The following ELMO1 variants were observed in gnomAD, a reference collection of about 807,000 sequenced individuals.
The protein encoded by ELMO1 is engulfment and cell motility protein 1.
ELMO1 carries 26 observed loss-of-function variants against 98.9 expected under a neutral mutation model. The observed-to-expected ratio is 0.26, with a 90% CI of 0.19 to 0.36. ELMO1 has a LOEUF of 0.36. Among genes scored for constraint, ELMO1 ranks in the 10% least tolerant of loss-of-function variants. The probability of loss-of-function intolerance (pLI) is 1.00; values close to 1 mark genes in which losing one functional copy is unlikely to be tolerated. For synonymous variants in ELMO1, 346 were observed against 346.0 expected (o/e 1.00, Z 0.00); for missense variants, 627 against 935.2 (o/e 0.67, Z 4.30).
intron 6 of ELMO1, among the ~76,000 whole-genome samples, chr7:37,255,990 C>T (rs143353108): frequency 1.3e-5 from 2 of 152,300 alleles, no homozygotes; most frequent in East Asian, 1.9e-4. Context: ...TCCTCCTCCT[C>T]TGCTCCCCAG....
intron 1 of ELMO1, among the ~76,000 whole-genome samples, chr7:37,389,847 T>G (rs1008069380): frequency 2.0e-5 from 3 of 152,068 alleles, no homozygotes; most frequent in Non-Finnish European, 2.9e-5. Flanking sequence ...TTCTCCAGCA[T>G]GTGCAACCCT....
intron 16 of ELMO1, among the ~76,000 whole-genome samples, chr7:36,922,347 CAAAA>C (rs750588423): frequency 5.8e-5 from 5 of 85,556 alleles, no homozygotes; most frequent in African/African-American, 1.2e-4. Context: ...CACAGACTTG[CAAAA>C]AAAAAAAAAA....
chr7:37,028,393 A>C (rs1377254279), intron 15 of ELMO1, among the ~76,000 whole-genome samples: 1 of 152,162 alleles, frequency 6.6e-6, no homozygotes, highest in Non-Finnish European at 1.5e-5. Context: ...CTTGCCAACT[A>C]TCATAATTTT....
intron 15 of ELMO1, among the ~76,000 whole-genome samples, chr7:37,092,047 T>G (rs921624429): frequency 1.2e-4 from 19 of 152,180 alleles, no homozygotes; most frequent in African/African-American, 4.6e-4. Flanking sequence ...TCTTCAATCT[T>G]GTTCTTCTGA....
intron 4 of ELMO1, among the ~76,000 whole-genome samples, chr7:37,279,687 G>T (rs558658403): frequency 5.4e-4 from 82 of 152,312 alleles, no homozygotes; most frequent in African/African-American, 1.9e-3. Flanking sequence ...CTGGGAGCTC[G>T]CTGCGTCCCC....
chr7:37,380,284 AT>A (rs1196990176), intron 1 of ELMO1, among the ~76,000 whole-genome samples: 2 of 152,200 alleles, frequency 1.3e-5, no homozygotes, highest in African/African-American at 4.8e-5. Context: ...ATGCTTATTC[AT>A]TTTGTGTCTT....
chr7:36,862,365 C>A (rs1242798693), intron 20 of ELMO1, among the ~76,000 whole-genome samples: 4 of 152,208 alleles, frequency 2.6e-5, no homozygotes, highest in African/African-American at 9.7e-5. Context: ...GCAGAGACTG[C>A]AAGGTATAAT....
intron 16 of ELMO1, among the ~76,000 whole-genome samples, chr7:36,905,249 G>A (rs1274717346): frequency 6.6e-6 from 1 of 151,710 alleles, no homozygotes; most frequent in African/African-American, 2.4e-5. Context: ...GCCAAACATG[G>A]GGTGAAAACA....
chr7:37,189,358 G>A (rs1267540810), intron 13 of ELMO1, among the ~76,000 whole-genome samples: 1 of 152,212 alleles, frequency 6.6e-6, no homozygotes, highest in African/African-American at 2.4e-5. Flanking sequence ...GAATCCTTTT[G>A]AGAAACACTG....
At chr7:37,427,205 A>C (rs949762968) in intron 1 of ELMO1, among the ~76,000 whole-genome samples, 2 of 152,240 alleles carry the variant, frequency 1.3e-5, no homozygotes, top group African/African-American at 4.8e-5. Context: ...TTTCCAAAGA[A>C]AGAATGACAT....
chr7:37,441,254 C>CG (rs1805405073), intron 1 of ELMO1, among the ~76,000 whole-genome samples: 1 of 152,048 alleles, frequency 6.6e-6, no homozygotes, highest in African/African-American at 2.4e-5. Context: ...TATAACCCAG[C>CG]ATATTTCTAC....
chr7:36,930,950 C>A (rs142375042), intron 16 of ELMO1, among the ~76,000 whole-genome samples: 4 of 152,222 alleles, frequency 2.6e-5, no homozygotes, highest in Admixed American at 2.0e-4. Context: ...ATCTCTTCCT[C>A]CATCAGTCCT....
rs1332906539 is a variant in ELMO1 at position 37,267,062 on chromosome 7, C to T, written c.243+4770G>A. 1.2e-3 allele frequency among the ~76,000 whole-genome samples: 176 copies of T among 147,980 alleles called. 4 individuals carry two copies. The highest frequency in any genetic ancestry group is 4.2e-3 in the African/African-American group (167 of 40,166). ...ATACACACACACACACACACACACA[C>T]ACACACACACACACACACACACACA... On this transcript the variant is annotated intron_variant, in intron 5 of 21. Coordinates refer to ENST00000310758, the MANE Select transcript of ELMO1 (RefSeq NM_014800.11).
At chr7:37,286,624 A>G (rs1469750761) in intron 4 of ELMO1, among the ~76,000 whole-genome samples, 2 of 152,180 alleles carry the variant, frequency 1.3e-5, no homozygotes, top group East Asian at 3.9e-4. Context: ...CAGCTTCAGT[A>G]CCACACTCCA....
At chr7:37,215,227 G>A (rs1793213372) in intron 11 of ELMO1, among the ~76,000 whole-genome samples, 1 of 152,186 alleles carries the variant, frequency 6.6e-6, no homozygotes, top group Non-Finnish European at 1.5e-5. Flanking sequence ...TGACAGCCAG[G>A]AAGTTTAAAA....
intron 21 of ELMO1, among the ~76,000 whole-genome samples, chr7:36,856,069 G>A (rs1362936219): frequency 1.3e-5 from 2 of 152,198 alleles, no homozygotes; most frequent in African/African-American, 2.4e-5. Context: ...GCTGAGGATT[G>A]GAGTTCTCCA....
intron 1 of ELMO1, among the ~76,000 whole-genome samples, chr7:37,404,152 C>G (rs563019044): frequency 3.9e-5 from 6 of 152,146 alleles, no homozygotes; most frequent in Non-Finnish European, 7.4e-5. Flanking sequence ...TTTTTTCTCT[C>G]TAATCAGTCC....
chr7:37,017,229 T>C (rs551005587), intron 15 of ELMO1, among the ~76,000 whole-genome samples: 1 of 152,342 alleles, frequency 6.6e-6, no homozygotes, highest in East Asian at 1.9e-4. Context: ...GGTTCCTAGC[T>C]TCTGCTGAAC....
At chr7:37,181,463 T>C (rs1261288900) in intron 13 of ELMO1, among the ~76,000 whole-genome samples, 1 of 152,192 alleles carries the variant, frequency 6.6e-6, no homozygotes, top group Non-Finnish European at 1.5e-5. Flanking sequence ...GCAGATTGGA[T>C]GGCCTTTGAG....
Sources: allele counts gnomAD v4.1 joint callset (sites outside exome capture counted in the v4.1 genomes callset), GRCh38; gene constraint gnomAD v4.1.1; transcripts MANE v1.5; gene names NCBI Gene and HGNC (gene_info 2026-07-23, HGNC 2026-07-21).